The following NUBP1 variants were observed in gnomAD, a reference collection of about 807,000 sequenced individuals.
The protein encoded by NUBP1 is NUBP iron-sulfur cluster assembly factor 1, cytosolic.
A neutral mutation model predicts 41.8 loss-of-function variants in NUBP1; 46 were observed. The ratio of observed to expected loss-of-function variants is 1.10; its 90% CI spans 0.87 to 1.41. The LOEUF is 1.41. NUBP1 is among the 40% of genes most tolerant of loss of function. The pLI is 0.00. For synonymous variants in NUBP1, 189 were observed against 154.6 expected (o/e 1.22, Z -1.65); for missense variants, 494 against 414.0 (o/e 1.19, Z -1.68).
intron 2 of NUBP1, among the ~76,000 whole-genome samples, chr16:10,746,529 T>C (rs2142657449): frequency 6.6e-6 from 1 of 152,198 alleles, no homozygotes; most frequent in South Asian, 2.1e-4. Flanking sequence ...TCACTTGAGG[T>C]TGGAAGTTCG....
chr16:10,768,233 G>A lies in NUBP1; in HGVS notation c.904+201G>A, dbSNP rs1326117168. 2 of 444,294 alleles carry A rather than the reference G, an allele frequency of 4.5e-6. No individual in the cohort carries two copies. The highest frequency in any genetic ancestry group is 8.0e-6 in the Non-Finnish European group (2 of 250,186). 27.5% of individuals were successfully genotyped at this position (444,294 alleles called of 1,614,324 possible). The stretch of plus-strand genomic sequence containing the variant: ...ATTAATTCATAGTTTAAAAAACATG[G>A]TGAGGGTGAAATTTATGGCTTAGGA... On this transcript the variant is annotated intron_variant, in intron 10 of 10. Transcript: ENST00000283027. This position sits in a 1 kb window ranked among gnomAD's most constrained non-coding sequence, Gnocchi z 4.3.
rs868296265 is a variant in NUBP1, at chr16:10,752,606, C to T, written c.259-4C>T. The T allele has an allele frequency of 6.2e-7, 1 of 1,613,032 alleles. No individual in the cohort carries two copies. Among genetic ancestry groups the T allele is most frequent in the Middle Eastern group, 1.7e-4 (1 of 6,058 alleles). On this transcript the variant is annotated splice_polypyrimidine_tract_variant and splice_region_variant and intron_variant, in intron 3 of 10. Coordinates refer to ENST00000283027, the MANE Select transcript of NUBP1 (RefSeq NM_002484.4). Reference sequence around the variant, plus strand: ...TAACCGCTTTGGTCTCTTCTTGTCCCCAGATTGCTCTTCTAGACATCGATA... The same window carrying T: ...TAACCGCTTTGGTCTCTTCTTGTCCTCAGATTGCTCTTCTAGACATCGATA...
intron 4 of NUBP1, among the ~76,000 whole-genome samples, chr16:10,754,248 A>ATTTTATTTTATTTTATTTTATTTTAT (rs373945552): frequency 2.9e-5 from 4 of 139,544 alleles, no homozygotes; most frequent in African/African-American, 1.2e-4. Context: ...ATTTTATTTT[A>ATTTTATTTTATTTTATTTTATTTTAT]TTTATTTTAT....
Position 10,747,133 on chromosome 16 carries a change from T to G in NUBP1, c.125-10T>G, listed in dbSNP as rs780964824. 6.2e-7 allele frequency: 1 copy of G among 1,613,770 alleles called. No individual in the cohort carries two copies. Among genetic ancestry groups the G allele is most frequent in the South Asian group, 1.1e-5 (1 of 91,070 alleles). Reference sequence around the variant, plus strand: ...GGACCTCATCCCCTGAACTTTGGTTTTCTTTGCAGCTATAGAGGAAATCAA... The same window carrying G: ...GGACCTCATCCCCTGAACTTTGGTTGTCTTTGCAGCTATAGAGGAAATCAA... On this transcript the variant is annotated splice_polypyrimidine_tract_variant and intron_variant, in intron 2 of 10. Coordinates refer to ENST00000283027, the MANE Select transcript of NUBP1 (RefSeq NM_002484.4).
At chr16:10,750,341 C>T (rs758908762) in intron 3 of NUBP1, among the ~76,000 whole-genome samples, 2 of 152,216 alleles carry the variant, frequency 1.3e-5, no homozygotes, top group African/African-American at 4.8e-5. Context: ...ACCTCCCGGG[C>T]TCAAGCAGTT....
At chr16:10,762,630 G>A (rs552741112) in intron 9 of NUBP1, among the ~76,000 whole-genome samples, 1 of 152,232 alleles carries the variant, frequency 6.6e-6, no homozygotes, top group Non-Finnish European at 1.5e-5. Context: ...GGTCTGAGGG[G>A]AGAACAGAGA....
chr16:10,751,496 G>A (rs1002787549), intron 3 of NUBP1, among the ~76,000 whole-genome samples: 7 of 152,300 alleles, frequency 4.6e-5, no homozygotes, highest in African/African-American at 1.7e-4. Flanking sequence ...GTAGGAGGCT[G>A]GGTTTGTTGA....
At position 10,768,399 on chromosome 16, in the gene NUBP1, G is replaced by C. The variant is rs147593117; in HGVS notation, c.904+367G>C. Reference sequence around the variant, plus strand: ...AGGCAGATCACTTGAGGCTGGTCAGGAGTTCAAGACCAGCCTGGCTAACAT... The same window carrying C: ...AGGCAGATCACTTGAGGCTGGTCAGCAGTTCAAGACCAGCCTGGCTAACAT... On this transcript the variant is annotated intron_variant, in intron 10 of 10. Transcript: ENST00000283027. The surrounding 1 kb of genome is among the most constrained non-coding windows in gnomAD (Gnocchi z 4.3). The C allele has an allele frequency of 6.2e-4, 105 of 170,378 alleles. 1 individual carries two copies. The highest frequency in any genetic ancestry group is 2.0e-3 in the African/African-American group (85 of 41,760). 10.6% of individuals were successfully genotyped at this position (170,378 alleles called of 1,614,324 possible).
rs749768052 is a variant in NUBP1 at position 10,747,146 on chromosome 16, T to C, written c.128T>C (p.Ile43Thr). 2 of 1,614,036 alleles carry C rather than the reference T, an allele frequency of 1.2e-6. No individual in the cohort carries two copies. Among genetic ancestry groups the C allele is most frequent in the East Asian group, 2.2e-5 (1 of 44,880 alleles). Residue 43 changes from isoleucine to threonine, a missense_variant, in exon 3 of 11, where the codon ATA (isoleucine) becomes ACA (threonine). Coordinates refer to ENST00000283027, the MANE Select transcript of NUBP1 (RefSeq NM_002484.4). ...TGAACTTTGGTTTTCTTTGCAGCTA[T>C]AGAGGAAATCAAAGAGAAAATGAAG... ...SGAGATPDTA[I>T]EEIKEKMKTV... is the part of the protein sequence containing the mutation.
chr16:10,761,084 T>G lies in NUBP1; in HGVS notation c.607-280T>G, dbSNP rs564056355. The G allele has an allele frequency of 5.8e-5, 18 of 310,446 alleles. No homozygotes were observed. The South Asian group carries it at 6.2e-4, about 11-fold the overall frequency. The allele number at this position is 310,446 out of a possible 1,614,324, so 19.2% of individuals were successfully genotyped here. A position where few individuals can be genotyped will look rare whatever the true frequency, so the allele number is the denominator to read the frequency against. ...CAAACACTTACAAAACCATCAGATC[T>G]CGTGAAAACTCACTATCGAGACCAG... is the stretch of plus-strand genomic sequence containing the variant. On this transcript the variant is annotated intron_variant, in intron 7 of 10. Transcript: ENST00000283027.
chr16:10,755,768 C>T lies in NUBP1; in HGVS notation c.360+15C>T. 6.2e-7 allele frequency: 1 copy of T among 1,613,678 alleles called. No homozygotes were observed. Among genetic ancestry groups the T allele is most frequent in the Non-Finnish European group, 8.5e-7 (1 of 1,179,570 alleles). ...GGTCTCCAGTGGTGAGTTTTCACCT[C>T]TTTGCCCTATTTTCACAGTAGTGTG... On this transcript the variant is annotated intron_variant, in intron 5 of 10. Coordinates refer to ENST00000283027, the MANE Select transcript of NUBP1 (RefSeq NM_002484.4).
rs1596461135 is a variant in NUBP1 at position 10,759,667 on chromosome 16, T to C, written c.606+1640T>C. Among the ~76,000 whole-genome samples, 4 of 152,194 alleles carry C rather than the reference T, an allele frequency of 2.6e-5. No homozygotes were observed. ...GGTGGGCACCTGTAATCCCAGCTACTTGGGAGGCTGAGGTGGGAGAAGTGC... is the reference window on the plus strand; with the variant it reads ...GGTGGGCACCTGTAATCCCAGCTACCTGGGAGGCTGAGGTGGGAGAAGTGC... On this transcript the variant is annotated intron_variant, in intron 7 of 10. Transcript: ENST00000283027. This position sits in a 1 kb window ranked among gnomAD's most constrained non-coding sequence, Gnocchi z 4.7.
Position 10,769,219 on chromosome 16 carries a change from T to C in NUBP1, c.*114T>C. 1 of 871,756 alleles carries C rather than the reference T, an allele frequency of 1.1e-6. No homozygotes were observed. Among genetic ancestry groups the C allele is most frequent in the Non-Finnish European group, 1.9e-6 (1 of 535,482 alleles). 54.0% of individuals were successfully genotyped at this position (871,756 alleles called of 1,614,324 possible). A position where few individuals can be genotyped will look rare whatever the true frequency, so the allele number is the denominator to read the frequency against. On this transcript the variant is annotated 3_prime_UTR_variant, in exon 11 of 11. Transcript: ENST00000283027. ...GGTGGGTCACAGCAAAAGGACCAGA[T>C]GCTGGTGTGGTCCGAAGCCACTTTC...
Position 10,769,252 on chromosome 16 carries a change from C to T in NUBP1, c.*147C>T. 1 of 633,394 alleles carries T rather than the reference C, an allele frequency of 1.6e-6. No homozygotes were observed. The highest frequency in any genetic ancestry group is 2.8e-6 in the Non-Finnish European group (1 of 354,480). 39.2% of individuals were successfully genotyped at this position (633,394 alleles called of 1,614,324 possible). A position where few individuals can be genotyped will look rare whatever the true frequency, so the allele number is the denominator to read the frequency against. ...TGGTCCGAAGCCACTTTCTCAGAGA[C>T]ACTTTAATCATTGAGTATTTGTACA... On this transcript the variant is annotated 3_prime_UTR_variant, in exon 11 of 11. Coordinates refer to ENST00000283027, the MANE Select transcript of NUBP1 (RefSeq NM_002484.4).
chr16:10,744,176 A>T, intron 2 of NUBP1, 111 bp downstream of exon 2: 1 of 1,104,986 alleles, frequency 9.0e-7, no homozygotes, highest in East Asian at 2.9e-5. Context: ...GGCAGGCTAG[A>T]AGGTATTGTA....
chr16:10,761,584 G>C, intron 8 of NUBP1, 110 bp downstream of exon 8: 1 of 1,077,172 alleles, frequency 9.3e-7, no homozygotes, highest in Non-Finnish European at 1.4e-6. Flanking sequence ...ATTTTGGGAA[G>C]TGGAATCACA....
Position 10,755,746 on chromosome 16 carries a change from C to G in NUBP1, c.353C>G (p.Ser118Cys), listed in dbSNP as rs1900518341. The G allele has an allele frequency of 1.2e-6, 2 of 1,613,978 alleles. No individual in the cohort carries two copies. Among genetic ancestry groups the G allele is most frequent in the Non-Finnish European group, 1.7e-6 (2 of 1,179,994 alleles). Residue 118 changes from serine to cysteine, a missense_variant, in exon 5 of 11, where the codon TCT becomes TGT. Transcript: ENST00000283027. Reference protein sequence around the residue: ...EQVHQSGSGWSPVYVEDNLGV... With the variant: ...EQVHQSGSGWCPVYVEDNLGV... ...GTTCACCAGAGTGGCTCAGGCTGGT[C>G]TCCAGTGGTGAGTTTTCACCTCTTT...
rs770473343 is a variant in NUBP1, at chr16:10,744,055, T to G, written c.114T>G (p.Thr38=). Residue 38 remains threonine (T), a synonymous_variant, in exon 2 of 11, where the codon ACT becomes ACG. Coordinates refer to ENST00000283027, the MANE Select transcript of NUBP1 (RefSeq NM_002484.4). ...QRLCASGAGA[T]PDTAIEEIKE... ...TGTGCGCTTCTGGAGCGGGGGCCAC[T>G]CCGGACACGGGTGAGAAAAGGGCAA... 5 of 1,573,296 alleles carry G rather than the reference T, an allele frequency of 3.2e-6. No homozygotes were observed. The Admixed American group carries it at 7.8e-5, about 25-fold the overall frequency.
In NUBP1 at chr16:10,759,817, T is replaced by C. The variant is rs1236862131; in HGVS notation, c.607-1547T>C. On this transcript the variant is annotated intron_variant, in intron 7 of 10. Transcript: ENST00000283027. The surrounding 1 kb of genome is among the most constrained non-coding windows in gnomAD (Gnocchi z 4.7). ...AAATGAGAGACTGAGTCGCAGCCCATTGACTTTCTAGCTGAGCGCCCCTTC... is the reference window on the plus strand; with the variant it reads ...AAATGAGAGACTGAGTCGCAGCCCACTGACTTTCTAGCTGAGCGCCCCTTC... Among the ~76,000 whole-genome samples, 2 of 152,158 alleles carry C rather than the reference T, an allele frequency of 1.3e-5. No homozygotes were observed. Among genetic ancestry groups the C allele is most frequent in the Non-Finnish European group, 2.9e-5 (2 of 68,022 alleles).
Sources: gnomAD v4.1 joint callset for allele counts (sites outside exome capture counted in the v4.1 genomes callset) on GRCh38, gnomAD v4.1.1 for gene constraint, Gnocchi (gnomAD v3.1) non-coding constraint, MANE v1.5 for transcripts, NCBI Gene and HGNC (gene_info 2026-07-23, HGNC 2026-07-21) for gene names.